The following UBXN2B variants were observed in gnomAD, a reference collection of about 807,000 sequenced individuals.
UBXN2B encodes UBX domain protein 2B.
Under a neutral mutation model 37.5 loss-of-function variants are expected in UBXN2B, and 19 were observed. The ratio of observed to expected loss-of-function variants is 0.51; its 90% CI spans 0.35 to 0.74. UBXN2B has a LOEUF of 0.74. UBXN2B is among the 30% of genes least tolerant of loss of function. The pLI is 0.01. For synonymous variants in UBXN2B, 145 were observed against 143.8 expected (o/e 1.01, Z -0.06); for missense variants, 370 against 393.2 (o/e 0.94, Z 0.50).
intron 2 of UBXN2B, among the ~76,000 whole-genome samples, chr8:58,418,350 A>G (rs1049789562): frequency 2.6e-5 from 4 of 152,200 alleles, no homozygotes; most frequent in South Asian, 2.1e-4. Context: ...TTAGGATTCA[A>G]CTGAGGACAT....
At chr8:58,421,716 C>G (rs757141990) in intron 2 of UBXN2B, among the ~76,000 whole-genome samples, 8 of 152,168 alleles carry the variant, frequency 5.3e-5, no homozygotes, top group Non-Finnish European at 1.0e-4. Context: ...CTGCCTGATT[C>G]CATCCCATGT....
chr8:58,450,531 C>CCT lies in UBXN2B; in HGVS notation c.*2981_*2982dup, dbSNP rs1808779354. The CCT allele has an allele frequency of 6.6e-6, 1 of 152,200 alleles. No individual in the cohort carries two copies. The highest frequency in any genetic ancestry group is 2.4e-5 in the African/African-American group (1 of 41,440). The allele number at this position is 152,200 out of a possible 1,614,324, so 9.4% of individuals were successfully genotyped here. The stretch of plus-strand genomic sequence containing the variant: ...CAATCGAGGTATTCTCTATTATGCT[C>CCT]CTTTCTTCAAGGCCGCCCTAGCATT... On this transcript the variant is annotated 3_prime_UTR_variant, in exon 8 of 8. Coordinates refer to ENST00000399598, the MANE Select transcript of UBXN2B (RefSeq NM_001077619.2).
intron 1 of UBXN2B, among the ~76,000 whole-genome samples, chr8:58,412,302 C>G (rs947441227): frequency 1.2e-4 from 19 of 152,174 alleles, no homozygotes; most frequent in African/African-American, 4.6e-4. Context: ...TACTGCTGAG[C>G]TTTGCGAATG....
At chr8:58,433,341 T>G in intron 4 of UBXN2B, 98 bp downstream of exon 4, 1 of 1,027,956 alleles carries the variant, frequency 9.7e-7, no homozygotes, top group Non-Finnish European at 1.4e-6. Context: ...AAATATATTT[T>G]TGTTACTTTT....
chr8:58,414,762 G>A (rs563753367), intron 1 of UBXN2B, among the ~76,000 whole-genome samples: 2 of 151,990 alleles, frequency 1.3e-5, no homozygotes, highest in East Asian at 1.9e-4. Context: ...TTTTAATGAT[G>A]TACCGTTAAT....
At chr8:58,423,734 C>T (rs573074742) in intron 2 of UBXN2B, among the ~76,000 whole-genome samples, 23 of 142,598 alleles carry the variant, frequency 1.6e-4, no homozygotes, top group Middle Eastern at 3.6e-3. Context: ...CGCGCCCAGC[C>T]GGGGATGGGT....
chr8:58,416,588 T>G (rs891102683), intron 1 of UBXN2B, among the ~76,000 whole-genome samples: 1 of 152,182 alleles, frequency 6.6e-6, no homozygotes, highest in African/African-American at 2.4e-5. Flanking sequence ...AAAACAGATT[T>G]TGACACTGTT....
Position 58,411,548 on chromosome 8 carries a change from C to T in UBXN2B, c.84+79C>T, listed in dbSNP as rs1161124143. ...GCGCGGGCTGGTGCGAGTTGGAGGC[C>T]ACCTCTGGCCTCGGCGGAGCCTTTC... On this transcript the variant is annotated intron_variant, in intron 1 of 7. Coordinates refer to ENST00000399598, the MANE Select transcript of UBXN2B (RefSeq NM_001077619.2). 5.3e-6 allele frequency: 6 copies of T among 1,131,278 alleles called. No individual in the cohort carries two copies. The South Asian group carries it at 1.6e-4, about 31-fold the overall frequency. The allele number at this position is 1,131,278 out of a possible 1,614,324, so 70.1% of individuals were successfully genotyped here. A position where few individuals can be genotyped will look rare whatever the true frequency, so the allele number is the denominator to read the frequency against.
intron 1 of UBXN2B, among the ~76,000 whole-genome samples, chr8:58,412,501 G>A (rs2129603542): frequency 6.6e-6 from 1 of 152,340 alleles, no homozygotes. Flanking sequence ...ATAAAGCGAA[G>A]AATTTGGAGG....
At chr8:58,415,534 A>AG (rs1807754391) in intron 1 of UBXN2B, among the ~76,000 whole-genome samples, 1 of 152,032 alleles carries the variant, frequency 6.6e-6, no homozygotes, top group Non-Finnish European at 1.5e-5. Context: ...AGAAAAAAAA[A>AG]TCTTGGGGAA....
Position 58,441,089 on chromosome 8 carries a change from C to G in UBXN2B, c.671+1319C>G, listed in dbSNP as rs1006078788. On this transcript the variant is annotated intron_variant, in intron 6 of 7. Coordinates refer to ENST00000399598, the MANE Select transcript of UBXN2B (RefSeq NM_001077619.2). Reference sequence around the variant, plus strand: ...TTCACTGCAGCCTTGACCTCCTGGGCTCAGGCAAGCTTCCTACCCCACTCT... The same window carrying G: ...TTCACTGCAGCCTTGACCTCCTGGGGTCAGGCAAGCTTCCTACCCCACTCT... Among the ~76,000 whole-genome samples, 3 of 151,382 alleles carry G rather than the reference C, an allele frequency of 2.0e-5. No individual in the cohort carries two copies. In the East Asian group the frequency reaches 5.8e-4, roughly 29 times the overall value.
chr8:58,446,487 G>T (rs1585622466), intron 7 of UBXN2B, among the ~76,000 whole-genome samples: 1 of 152,054 alleles, frequency 6.6e-6, no homozygotes. Flanking sequence ...AATGTGTATT[G>T]TAAATCAAGT....
At chr8:58,414,185 T>C (rs1466857270) in intron 1 of UBXN2B, among the ~76,000 whole-genome samples, 1 of 152,232 alleles carries the variant, frequency 6.6e-6, no homozygotes, top group East Asian at 1.9e-4. Context: ...ATATTGAATG[T>C]CATTATTCTG....
In UBXN2B at chr8:58,439,246, A is replaced by G. The variant is rs1184965655; in HGVS notation, c.534-387A>G. Among the ~76,000 whole-genome samples, 10 of 152,334 alleles carry G rather than the reference A, an allele frequency of 6.6e-5. No individual in the cohort carries two copies. The East Asian group carries it at 1.9e-3, about 29-fold the overall frequency. On this transcript the variant is annotated intron_variant, in intron 5 of 7. Transcript: ENST00000399598. ...AAATGGACTAGTACACCCAACAAGC[A>G]AAAACACCCATATCAATTTTCAGAA...
intron 1 of UBXN2B, 92 bp from the exon 2 acceptor site, chr8:58,416,758 A>G: frequency 9.5e-7 from 1 of 1,052,640 alleles, no homozygotes; most frequent in Non-Finnish European, 1.3e-6. Context: ...TTTACCACTC[A>G]ATTTTAAGTT....
intron 6 of UBXN2B, among the ~76,000 whole-genome samples, chr8:58,445,494 C>G (rs1056975043): frequency 2.0e-5 from 3 of 152,160 alleles, no homozygotes; most frequent in African/African-American, 7.2e-5. Flanking sequence ...ACCTTCATAA[C>G]ATAGTATTAT....
At chr8:58,441,035 C>T (rs1463704918) in intron 6 of UBXN2B, among the ~76,000 whole-genome samples, 1 of 151,292 alleles carries the variant, frequency 6.6e-6, no homozygotes, top group Non-Finnish European at 1.5e-5. Context: ...CTCTGTTGCC[C>T]AGACTGGAGT....
intron 6 of UBXN2B, among the ~76,000 whole-genome samples, chr8:58,443,007 T>C (rs147419036): frequency 2.0e-3 from 311 of 152,316 alleles, no homozygotes; most frequent in African/African-American, 7.2e-3. Context: ...AGCTGTGAGC[T>C]GACTGAAGCC....
chr8:58,418,760 C>G (rs1050069016), intron 2 of UBXN2B, among the ~76,000 whole-genome samples: 2 of 152,176 alleles, frequency 1.3e-5, no homozygotes, highest in African/African-American at 4.8e-5. Context: ...CCTATTCTTT[C>G]ATTTAATTCT....
Sources: allele counts gnomAD v4.1 joint callset (sites outside exome capture counted in the v4.1 genomes callset), GRCh38; gene constraint gnomAD v4.1.1; transcripts MANE v1.5; gene names NCBI Gene and HGNC (gene_info 2026-07-23, HGNC 2026-07-21).